GMDS: variants seen among roughly 807,000 people sequenced by gnomAD.
GMDS encodes the protein GDP-mannose 4,6 dehydratase.
A neutral mutation model predicts 49.9 loss-of-function variants in GMDS; 20 were observed. The observed-to-expected ratio is 0.40, with a 90% CI of 0.28 to 0.58. The LOEUF (loss-of-function observed/expected upper bound fraction) is 0.58. GMDS is among the 20% of genes least tolerant of loss of function. The pLI, the probability that GMDS is intolerant of heterozygous loss-of-function variation, is 0.42. For missense variants in GMDS, 362 were observed against 481.4 expected, an observed-to-expected ratio of 0.75 and a Z score of 2.32; for synonymous variants, 177 against 178.6, an observed-to-expected ratio of 0.99 and a Z score of 0.07.
intron 6 of GMDS, chr6:1,930,792 G>A (rs1762252696): frequency 6.6e-6 from 1 of 152,164 alleles, no homozygotes; most frequent in Non-Finnish European, 1.5e-5. Context: ...AGTGGTGATG[G>A]CTCTTATTTA....
At chr6:1,823,800 T>C (rs1188556873) in intron 7 of GMDS, among the ~76,000 whole-genome samples, 1 of 151,708 alleles carries the variant, frequency 6.6e-6, no homozygotes, top group Non-Finnish European at 1.5e-5. Context: ...TATGTTAGAA[T>C]ATATGCATAA....
At chr6:1,680,671 C>T (rs1000504500) in intron 9 of GMDS, among the ~76,000 whole-genome samples, 25 of 152,298 alleles carry the variant, frequency 1.6e-4, no homozygotes, top group East Asian at 7.7e-4. Context: ...GTGTCATGAA[C>T]GGCGTATGTT....
intron 7 of GMDS, among the ~76,000 whole-genome samples, chr6:1,808,514 T>C (rs748789010): frequency 3.3e-5 from 5 of 152,110 alleles, no homozygotes; most frequent in South Asian, 2.1e-4. Context: ...TCAAAAGAAA[T>C]GGAATTTTCT....
intron 4 of GMDS, among the ~76,000 whole-genome samples, chr6:1,983,815 T>C: frequency 6.6e-6 from 1 of 152,346 alleles, no homozygotes; most frequent in East Asian, 1.9e-4. Context: ...AGTGTGGTAA[T>C]TCCTCAAAGA....
At chr6:2,069,931 G>T (rs903802900) in intron 4 of GMDS, among the ~76,000 whole-genome samples, 1 of 152,176 alleles carries the variant, frequency 6.6e-6, no homozygotes, top group African/African-American at 2.4e-5. Context: ...TATACCCAAA[G>T]AATTATAAAT....
At chr6:2,137,948 G>A (rs919174100) in intron 1 of GMDS, among the ~76,000 whole-genome samples, 12 of 152,096 alleles carry the variant, frequency 7.9e-5, no homozygotes, top group Admixed American at 3.9e-4. Context: ...GAATACAGTC[G>A]AATGAAGCAA....
intron 7 of GMDS, among the ~76,000 whole-genome samples, chr6:1,846,265 G>A (rs577190842): frequency 6.6e-6 from 1 of 151,918 alleles, no homozygotes; most frequent in East Asian, 1.9e-4. Context: ...GCTAAATTTT[G>A]TATTTTTCGT....
intron 2 of GMDS, among the ~76,000 whole-genome samples, chr6:2,121,283 T>A (rs73416668): frequency 0.022 from 3,391 of 152,314 alleles, 130 homozygotes; most frequent in African/African-American, 0.078. Context: ...GTGTATAGCA[T>A]AATCAAAGAG....
At chr6:1,962,647 T>C (rs1764019806) in intron 4 of GMDS, among the ~76,000 whole-genome samples, 2 of 152,166 alleles carry the variant, frequency 1.3e-5, no homozygotes, top group Non-Finnish European at 2.9e-5. Flanking sequence ...ATGTTCAGCA[T>C]CTTTTCATAT....
Position 1,702,791 on chromosome 6 carries a change from C to T in GMDS, c.987+23625G>A, listed in dbSNP as rs536282519. ...TGGACATTGGATAGCAGATAATGTC[C>T]GCCTCACTGCCCATCTGGTGACCCT... On this transcript the variant is annotated intron_variant, in intron 9 of 10. Transcript: ENST00000380815. Among the ~76,000 whole-genome samples the T allele has an allele frequency of 8.5e-5, 13 of 152,274 alleles. No individual in the cohort carries two copies. The South Asian group carries it at 1.9e-3, about 22-fold the overall frequency.
chr6:2,187,061 T>C (rs1416153455), intron 1 of GMDS, among the ~76,000 whole-genome samples: 3 of 152,226 alleles, frequency 2.0e-5, no homozygotes, highest in African/African-American at 4.8e-5. Flanking sequence ...CTCTATATTG[T>C]GTATATTGTA....
intron 4 of GMDS, among the ~76,000 whole-genome samples, chr6:1,991,517 G>C (rs1765937679): frequency 6.6e-6 from 1 of 152,132 alleles, no homozygotes; most frequent in South Asian, 2.1e-4. Context: ...TGATAGGCTT[G>C]ACTGCCAAGT....
chr6:1,829,628 T>G (rs1771265515), intron 7 of GMDS, among the ~76,000 whole-genome samples: 1 of 152,180 alleles, frequency 6.6e-6, no homozygotes, highest in African/African-American at 2.4e-5. Context: ...TTTGCAGAGA[T>G]GGGGTTCTGC....
intron 2 of GMDS, among the ~76,000 whole-genome samples, chr6:2,124,156 GTTTCT>G (rs1775291937): frequency 1.3e-5 from 2 of 151,510 alleles, no homozygotes; most frequent in South Asian, 4.2e-4. Context: ...TAAAACTATT[GTTTCT>G]TTTAAGGAAA....
chr6:2,000,472 A>G (rs564259869), intron 4 of GMDS, among the ~76,000 whole-genome samples: 52 of 152,214 alleles, frequency 3.4e-4, no homozygotes, highest in Non-Finnish European at 6.8e-4. Flanking sequence ...CCCAATCCCT[A>G]AAACCCACTC....
chr6:1,876,535 G>A (rs891792419), intron 7 of GMDS, among the ~76,000 whole-genome samples: 3 of 152,198 alleles, frequency 2.0e-5, no homozygotes, highest in African/African-American at 7.2e-5. Flanking sequence ...GAGGAGGTTT[G>A]AGTAGAAAGA....
intron 4 of GMDS, among the ~76,000 whole-genome samples, chr6:2,091,452 G>A (rs1233498783): frequency 2.6e-5 from 4 of 152,076 alleles, no homozygotes; most frequent in Non-Finnish European, 4.4e-5. Context: ...AGTTTGATAC[G>A]GTCACCAATA....
intron 1 of GMDS, among the ~76,000 whole-genome samples, chr6:2,129,802 C>A (rs541530536): frequency 6.6e-6 from 1 of 152,326 alleles, no homozygotes; most frequent in East Asian, 1.9e-4. Context: ...GATTTAACCA[C>A]TGCTGTGAAG....
intron 7 of GMDS, among the ~76,000 whole-genome samples, chr6:1,765,694 T>G (rs1768323388): frequency 6.6e-6 from 1 of 152,048 alleles, no homozygotes; most frequent in Admixed American, 6.5e-5. Flanking sequence ...TTCCACCCAA[T>G]CTACCCCGTC....
Sources: allele counts gnomAD v4.1 joint callset (sites outside exome capture counted in the v4.1 genomes callset), GRCh38; gene constraint gnomAD v4.1.1; transcripts MANE v1.5; gene names NCBI Gene and HGNC (gene_info 2026-07-23, HGNC 2026-07-21).